The following HIPK2 variants were observed in gnomAD, a reference collection of about 807,000 sequenced individuals.
The protein encoded by HIPK2 is homeodomain-interacting protein kinase 2.
In HIPK2, 27 loss-of-function variants were observed where a neutral mutation model predicts 113.7. That is an observed-to-expected ratio of 0.24 (90% confidence interval 0.17 to 0.33). HIPK2 has a LOEUF of 0.33. Among genes scored for constraint, HIPK2 ranks in the 10% least tolerant of loss-of-function variants. HIPK2 has a pLI of 1.00. For missense variants in HIPK2, 1,257 were observed against 1,588.0 expected (o/e 0.79, Z 3.54); for synonymous variants, 631 against 642.2 (o/e 0.98, Z 0.26).
At chr7:139,655,899 G>A (rs1801650656) in intron 2 of HIPK2, among the ~76,000 whole-genome samples, 1 of 152,120 alleles carries the variant, frequency 6.6e-6, no homozygotes, top group Admixed American at 6.5e-5. Context: ...GGAGACTCGT[G>A]CCAGGGAAGC....
intron 1 of HIPK2, among the ~76,000 whole-genome samples, chr7:139,750,028 CTCTG>C (rs1796255336): frequency 6.6e-6 from 1 of 152,238 alleles, no homozygotes; most frequent in East Asian, 1.9e-4. Flanking sequence ...CCAGACCTGC[CTCTG>C]TCTATCTGCT....
intron 1 of HIPK2, among the ~76,000 whole-genome samples, chr7:139,740,733 G>A (rs1796077162): frequency 6.6e-6 from 1 of 152,214 alleles, no homozygotes; most frequent in Non-Finnish European, 1.5e-5. Flanking sequence ...CCCAGGGAAG[G>A]AGCCAAGTCC....
intron 14 of HIPK2, 129 bp downstream of exon 14, chr7:139,574,999 G>T: frequency 7.9e-7 from 1 of 1,262,894 alleles, no homozygotes; most frequent in Non-Finnish European, 1.1e-6. Flanking sequence ...AAGGGCATGT[G>T]CTGCCACCCG....
Position 139,564,164 on chromosome 7 carries a change from G to A in HIPK2, c.*8763C>T, listed in dbSNP as rs988124646. 6 of 392,088 alleles carry A rather than the reference G, an allele frequency of 1.5e-5. No homozygotes were observed. The South Asian group carries it at 4.3e-4, about 28-fold the overall frequency. 24.3% of individuals were successfully genotyped at this position (392,088 alleles called of 1,614,324 possible). A position where few individuals can be genotyped will look rare whatever the true frequency, so the allele number is the denominator to read the frequency against. ...GTCTAAGCTGGACAATGAGTAAAACGTAAACATAGCCTTTTACATTGATTT... is the reference window on the plus strand; with the variant it reads ...GTCTAAGCTGGACAATGAGTAAAACATAAACATAGCCTTTTACATTGATTT... On this transcript the variant is annotated 3_prime_UTR_variant, in exon 15 of 15. Transcript: ENST00000406875.
chr7:139,699,581 A>T (rs1361289451), intron 2 of HIPK2, among the ~76,000 whole-genome samples: 4 of 152,196 alleles, frequency 2.6e-5, no homozygotes, highest in Non-Finnish European at 5.9e-5. Context: ...CCCTGCTATC[A>T]GGAGGCAAGG....
In HIPK2 at chr7:139,631,437, A is replaced by G. The variant is rs575265268; in HGVS notation, c.1228-153T>C. Reference sequence around the variant, plus strand: ...GAGAAAAAAGAAAAAGGGAAAAGAGAAAGGAATAAAGAAAAAATAGCAAGG... The same window carrying G: ...GAGAAAAAAGAAAAAGGGAAAAGAGGAAGGAATAAAGAAAAAATAGCAAGG... On this transcript the variant is annotated intron_variant, in intron 3 of 14. Transcript: ENST00000406875. The surrounding 1 kb of genome is among the most constrained non-coding windows in gnomAD (Gnocchi z 4.9). The G allele has an allele frequency of 2.7e-5, 25 of 939,216 alleles. 2 individuals carry two copies. In the South Asian group the frequency reaches 9.8e-4, roughly 37 times the overall value. 58.2% of individuals were successfully genotyped at this position (939,216 alleles called of 1,614,324 possible). A position where few individuals can be genotyped will look rare whatever the true frequency, so the allele number is the denominator to read the frequency against.
intron 13 of HIPK2, among the ~76,000 whole-genome samples, chr7:139,581,772 C>T (rs1798676358): frequency 6.6e-6 from 1 of 152,164 alleles, no homozygotes; most frequent in African/African-American, 2.4e-5. Flanking sequence ...TATTGAACGC[C>T]ACTGGCTGGG....
intron 9 of HIPK2, among the ~76,000 whole-genome samples, chr7:139,605,431 C>T (rs1799587533): frequency 6.6e-6 from 1 of 152,156 alleles, no homozygotes; most frequent in Non-Finnish European, 1.5e-5. Context: ...ATATCTTAGC[C>T]ATCTCTCTTT....
rs549754646 is a variant in HIPK2, at chr7:139,724,043, GATTA to G, written c.20-7032_20-7029del. On this transcript the variant is annotated intron_variant, in intron 1 of 14. Transcript: ENST00000406875. The stretch of plus-strand genomic sequence containing the variant: ...TTCATAATAAAGAACTCAAAGGAAG[GATTA>G]ATTCTCATATTTAATGAAATGCCAT... 6.0e-5 allele frequency among the ~76,000 whole-genome samples: 9 copies of G among 150,778 alleles called. No homozygotes were observed. In the South Asian group the frequency reaches 6.3e-4, roughly 11 times the overall value.
intron 2 of HIPK2, among the ~76,000 whole-genome samples, chr7:139,676,906 G>C (rs982157276): frequency 2.0e-5 from 3 of 149,802 alleles, no homozygotes; most frequent in Admixed American, 1.3e-4. Flanking sequence ...TTGTTGCCCA[G>C]GCTGGAGTGC....
chr7:139,580,499 T>A (rs150148013), intron 13 of HIPK2, among the ~76,000 whole-genome samples: 64 of 152,322 alleles, frequency 4.2e-4, no homozygotes, highest in Middle Eastern at 6.8e-3. Context: ...CTGGTCAACC[T>A]CCTAATGTAT....
chr7:139,710,517 C>T (rs1795030641), intron 2 of HIPK2, among the ~76,000 whole-genome samples: 1 of 152,186 alleles, frequency 6.6e-6, no homozygotes, highest in Non-Finnish European at 1.5e-5. Flanking sequence ...AATATTGAAG[C>T]ATCAGAATGA....
At chr7:139,751,053 A>T (rs963236227) in intron 1 of HIPK2, among the ~76,000 whole-genome samples, 2 of 152,172 alleles carry the variant, frequency 1.3e-5, no homozygotes, top group African/African-American at 2.4e-5. Flanking sequence ...AAATTCTTTT[A>T]TGTATCATAT....
chr7:139,633,095 C>CA (rs942820284), intron 2 of HIPK2, among the ~76,000 whole-genome samples: 18,013 of 74,322 alleles, frequency 0.24, 2,136 homozygotes, highest in Non-Finnish European at 0.3. Flanking sequence ...GACCCTGTCT[C>CA]AAAAAAAAAA....
At chr7:139,606,976 T>C (rs576638650) in intron 9 of HIPK2, among the ~76,000 whole-genome samples, 111 of 152,314 alleles carry the variant, frequency 7.3e-4, no homozygotes, top group African/African-American at 2.5e-3. Context: ...TTTTCTAAAA[T>C]CTATAATTAA....
chr7:139,611,830 C>G (rs1447083609), intron 9 of HIPK2, among the ~76,000 whole-genome samples: 1 of 152,134 alleles, frequency 6.6e-6, no homozygotes. Context: ...AGGCCTGGGA[C>G]TACAGGTGTG....
chr7:139,631,107 C>T lies in HIPK2; in HGVS notation c.1347+58G>A, dbSNP rs1232679132. ...CAAAAGCTCCCCACTAATGGGTCTA[C>T]GGCCCTCTTCCCTAAGCGCTGGGCC... is the stretch of plus-strand genomic sequence containing the variant. On this transcript the variant is annotated intron_variant, in intron 4 of 14. Coordinates refer to ENST00000406875, the MANE Select transcript of HIPK2 (RefSeq NM_022740.5). This position sits in a 1 kb window ranked among gnomAD's most constrained non-coding sequence, Gnocchi z 4.9. 29 of 1,559,762 alleles carry T rather than the reference C, an allele frequency of 1.9e-5. No individual in the cohort carries two copies. Among genetic ancestry groups the T allele is most frequent in the East Asian group, 7.1e-5 (3 of 42,136 alleles).
chr7:139,590,265 A>G (rs1027439914), intron 12 of HIPK2, among the ~76,000 whole-genome samples: 2 of 152,258 alleles, frequency 1.3e-5, no homozygotes, highest in African/African-American at 4.8e-5. Flanking sequence ...TCACTTCTGA[A>G]TAAAGAACAA....
At chr7:139,689,905 A>G (rs1289409448) in intron 2 of HIPK2, among the ~76,000 whole-genome samples, 1 of 152,156 alleles carries the variant, frequency 6.6e-6, no homozygotes. Context: ...CAAAGGCCTC[A>G]GGCAGCCTGT....
Sources: gnomAD v4.1 joint callset for allele counts (sites outside exome capture counted in the v4.1 genomes callset) on GRCh38, gnomAD v4.1.1 for gene constraint, Gnocchi (gnomAD v3.1) non-coding constraint, MANE v1.5 for transcripts, NCBI Gene and HGNC (gene_info 2026-07-23, HGNC 2026-07-21) for gene names.